RAB40C: variants seen among roughly 807,000 people sequenced by gnomAD.
RAB40C encodes the protein RAB40C, member RAS oncogene family.
A neutral mutation model predicts 28.1 loss-of-function variants in RAB40C; 8 were observed. The observed-to-expected ratio is 0.28, with a 90% CI of 0.17 to 0.51. The LOEUF is 0.51. Among genes scored for constraint, RAB40C ranks in the 20% least tolerant of loss-of-function variants. The pLI, the probability that RAB40C is intolerant of heterozygous loss-of-function variation, is 0.97. For missense variants in RAB40C, 288 were observed against 405.9 expected (o/e 0.71, Z 2.50); for synonymous variants, 201 against 171.7 (o/e 1.17, Z -1.34).
chr16:615,907 A>G (rs1461258248), intron 1 of RAB40C, among the ~76,000 whole-genome samples: 1 of 151,700 alleles, frequency 6.6e-6, no homozygotes, highest in African/African-American at 2.4e-5. Context: ...GGTTGTAGTG[A>G]CCCGAGATTG....
intron 1 of RAB40C, among the ~76,000 whole-genome samples, chr16:611,805 C>T (rs1402125027): frequency 1.7e-5 from 1 of 59,784 alleles, no homozygotes. Context: ...GAGCAAGGGA[C>T]AGCCGCCTTC....
intron 1 of RAB40C, among the ~76,000 whole-genome samples, chr16:590,812 G>A (rs756438437): frequency 4.0e-5 from 6 of 151,412 alleles, no homozygotes; most frequent in Non-Finnish European, 8.9e-5. Context: ...ATGGGTCTAG[G>A]ATCATCTGGG....
chr16:614,112 G>A (rs1248346031), intron 1 of RAB40C, among the ~76,000 whole-genome samples: 2 of 151,340 alleles, frequency 1.3e-5, no homozygotes, highest in African/African-American at 4.9e-5. Context: ...TCCCGATGGT[G>A]AACTGCCAAA....
chr16:622,307 G>C (rs1268958476), intron 3 of RAB40C, among the ~76,000 whole-genome samples: 2 of 151,618 alleles, frequency 1.3e-5, no homozygotes, highest in Non-Finnish European at 2.9e-5. Context: ...ACGAGCAGGC[G>C]GGGGTGCTGG....
intron 1 of RAB40C, among the ~76,000 whole-genome samples, chr16:609,574 C>A (rs984492986): frequency 3.3e-5 from 5 of 152,086 alleles, no homozygotes; most frequent in African/African-American, 1.2e-4. Context: ...AAGACCCAGA[C>A]AGGCAGGAAA....
intron 1 of RAB40C, among the ~76,000 whole-genome samples, chr16:612,936 C>A (rs1332105378): frequency 2.1e-4 from 5 of 23,964 alleles, no homozygotes; most frequent in Admixed American, 1.4e-3. Context: ...ATCAAGAGCA[C>A]GGGACAGCCG....
In RAB40C at chr16:590,449, C is replaced by A. The variant is rs947597801; in HGVS notation, c.142+16C>A. On this transcript the variant is annotated intron_variant, in intron 1 of 5. Transcript: ENST00000248139. The stretch of plus-strand genomic sequence containing the variant: ...TACAGTAACGGTAAGGCCCGGCCCG[C>A]GGCGCGCGCTGCTACGCGGGGCCCG... The A allele has an allele frequency of 2.6e-6, 4 of 1,560,100 alleles. No homozygotes were observed. The highest frequency in any genetic ancestry group is 2.6e-6 in the Non-Finnish European group (3 of 1,156,782).
chr16:593,066 A>G (rs2036036131), intron 1 of RAB40C, among the ~76,000 whole-genome samples: 1 of 152,240 alleles, frequency 6.6e-6, no homozygotes, highest in Non-Finnish European at 1.5e-5. Context: ...AGGTCCCCGC[A>G]GGAGTCCTGT....
At chr16:616,934 T>G (rs890198596) in intron 1 of RAB40C, 3 of 461,002 alleles carry the variant, frequency 6.5e-6, no homozygotes, top group Non-Finnish European at 1.2e-5. Context: ...GCTGGCCTGC[T>G]AGGCTGTGGG....
intron 1 of RAB40C, among the ~76,000 whole-genome samples, chr16:591,169 C>G (rs1662338434): frequency 1.6e-5 from 2 of 128,698 alleles, no homozygotes; most frequent in Non-Finnish European, 3.2e-5. Flanking sequence ...TCTGGGATCT[C>G]AGGGGAAGGT....
intron 1 of RAB40C, among the ~76,000 whole-genome samples, chr16:608,320 C>G (rs923933889): frequency 3.3e-5 from 5 of 152,226 alleles, no homozygotes; most frequent in South Asian, 4.1e-4. Context: ...TTATCTCCAT[C>G]TGGCCCCGCC....
At chr16:611,160 C>A (rs1001904748) in intron 1 of RAB40C, among the ~76,000 whole-genome samples, 2 of 152,212 alleles carry the variant, frequency 1.3e-5, no homozygotes, top group Admixed American at 6.5e-5. Flanking sequence ...GAGCAAGGTG[C>A]TCTAGAGGCC....
chr16:617,576 C>T (rs2036613713), intron 2 of RAB40C, among the ~76,000 whole-genome samples: 1 of 152,180 alleles, frequency 6.6e-6, no homozygotes, highest in African/African-American at 2.4e-5. Context: ...GGTGTGGTGG[C>T]TCACGCCTGT....
intron 1 of RAB40C, among the ~76,000 whole-genome samples, chr16:608,002 C>T (rs1294103499): frequency 6.6e-6 from 1 of 150,586 alleles, no homozygotes; most frequent in Non-Finnish European, 1.5e-5. Flanking sequence ...CTGTGCCCGT[C>T]CCCACCTCCC....
chr16:607,884 G>A (rs750278730), intron 1 of RAB40C, among the ~76,000 whole-genome samples: 16 of 152,056 alleles, frequency 1.1e-4, no homozygotes, highest in Non-Finnish European at 1.6e-4. Flanking sequence ...TAAAGCAAAC[G>A]CCTCAGTGAC....
At chr16:615,436 G>T (rs1477579968) in intron 1 of RAB40C, among the ~76,000 whole-genome samples, 1 of 152,178 alleles carries the variant, frequency 6.6e-6, no homozygotes, top group Non-Finnish European at 1.5e-5. Context: ...TTTAAAAAGT[G>T]CCCGTTTCCA....
intron 3 of RAB40C, among the ~76,000 whole-genome samples, chr16:622,327 CAG>C (rs1174678194): frequency 2.6e-5 from 4 of 152,158 alleles, no homozygotes; most frequent in Admixed American, 6.5e-5. Flanking sequence ...GGCCTGAGCT[CAG>C]GGCGTGCGGG....
chr16:626,043 G>A lies in RAB40C; in HGVS notation c.487G>A (p.Val163Ile), dbSNP rs199820805. The stretch of plus-strand genomic sequence containing the variant: ...GGTCAGCCCCCTGTGCAACTTCAAC[G>A]TCATCGAGTCCTTCACGGAGCTATC... ...FEVSPLCNFN[V>I]IESFTELSRI... Residue 163 changes from valine to isoleucine, a missense_variant, in exon 5 of 6, where the codon GTC becomes ATC. Transcript: ENST00000248139. 2.8e-5 allele frequency: 45 copies of A among 1,613,428 alleles called. No homozygotes were observed. Among genetic ancestry groups the A allele is most frequent in the East Asian group, 1.8e-4 (8 of 44,872 alleles).
intron 1 of RAB40C, among the ~76,000 whole-genome samples, chr16:601,034 C>G (rs144921178): frequency 2.8e-4 from 43 of 152,286 alleles, no homozygotes; most frequent in African/African-American, 9.9e-4. Context: ...AGACCCTTAG[C>G]CTCCTTGCAG....
Sources: allele counts gnomAD v4.1 joint callset (sites outside exome capture counted in the v4.1 genomes callset), GRCh38; gene constraint gnomAD v4.1.1; transcripts MANE v1.5; gene names NCBI Gene and HGNC (gene_info 2026-07-23, HGNC 2026-07-21).